Variants in DCBLD2 observed in about 807,000 individuals in gnomAD.
DCBLD2 encodes discoidin, CUB and LCCL domain containing 2.
In DCBLD2, 54 loss-of-function variants were observed where a neutral mutation model predicts 86.8. That is an observed-to-expected ratio of 0.62 (90% CI 0.50 to 0.78). The LOEUF (loss-of-function observed/expected upper bound fraction) is 0.78, where lower values mean the gene tolerates loss of function less well. DCBLD2 is among the 30% of genes least tolerant of loss of function. The pLI is 0.00. For synonymous variants in DCBLD2, 354 were observed against 341.3 expected (o/e 1.04, Z -0.41); for missense variants, 908 against 954.2 (o/e 0.95, Z 0.64).
intron 1 of DCBLD2, among the ~76,000 whole-genome samples, chr3:98,882,537 C>G (rs1229617256): frequency 1.3e-5 from 2 of 152,112 alleles, no homozygotes; most frequent in Non-Finnish European, 2.9e-5. Flanking sequence ...CCATCATCTA[C>G]ATTAGGTATT....
chr3:98,834,050 G>A (rs1333662528), intron 3 of DCBLD2, among the ~76,000 whole-genome samples: 2 of 152,010 alleles, frequency 1.3e-5, no homozygotes, highest in Non-Finnish European at 2.9e-5. Context: ...CCACTTCCCT[G>A]GGTGGGGGAG....
chr3:98,825,751 C>T (rs961351963), intron 3 of DCBLD2, among the ~76,000 whole-genome samples: 1 of 149,512 alleles, frequency 6.7e-6, no homozygotes. Flanking sequence ...TACCCACACA[C>T]AGAAATATTT....
At chr3:98,877,105 C>T (rs1278431471) in intron 2 of DCBLD2, among the ~76,000 whole-genome samples, 1 of 152,042 alleles carries the variant, frequency 6.6e-6, no homozygotes, top group Non-Finnish European at 1.5e-5. Flanking sequence ...CACTTATCTA[C>T]CTTTTTGTAC....
chr3:98,869,708 G>A (rs1306747887), intron 2 of DCBLD2, among the ~76,000 whole-genome samples: 1 of 152,136 alleles, frequency 6.6e-6, no homozygotes, highest in Non-Finnish European at 1.5e-5. Context: ...AACTGTTCTT[G>A]GAGTTATTTC....
chr3:98,865,552 G>A (rs1302343138), intron 2 of DCBLD2, among the ~76,000 whole-genome samples: 1 of 152,126 alleles, frequency 6.6e-6, no homozygotes, highest in Non-Finnish European at 1.5e-5. Context: ...GTATAACAGT[G>A]TATTGTATAG....
intron 3 of DCBLD2, among the ~76,000 whole-genome samples, chr3:98,839,204 C>CTTCCTTCTTTCT (rs1576174695): frequency 1.5e-5 from 2 of 131,372 alleles, no homozygotes; most frequent in African/African-American, 6.5e-5. Context: ...TCCTTCCTTC[C>CTTCCTTCTTTCT]TTCTTTCTTT....
rs1401408187 is a variant in DCBLD2 at position 98,839,208 on chromosome 3, T to TTCC, written c.571+10252_571+10253insGGA. ...CCTTCCTTCCTTCCTTCCTTCCTTC[T>TTCC]TTCTTTCCTTCTTTCCTTCTCTCTC... On this transcript the variant is annotated intron_variant, in intron 3 of 15. Coordinates refer to ENST00000326840, the MANE Select transcript of DCBLD2 (RefSeq NM_080927.4). Among the ~76,000 whole-genome samples, 731 of 107,620 alleles carry TTCC rather than the reference T, an allele frequency of 6.8e-3. 4 individuals are homozygous for TTCC. Among genetic ancestry groups the TTCC allele is most frequent in the African/African-American group, 0.016 (552 of 33,492 alleles). The allele number at this position is 107,620 out of a possible 152,430, so 70.6% of individuals were successfully genotyped here. A position where few individuals can be genotyped will look rare whatever the true frequency, so the allele number is the denominator to read the frequency against.
chr3:98,865,704 CT>C (rs908569479), intron 2 of DCBLD2, among the ~76,000 whole-genome samples: 1 of 134,992 alleles, frequency 7.4e-6, no homozygotes, highest in African/African-American at 2.7e-5. Context: ...ATACAATTTT[CT>C]TTTTTTATAT....
intron 6 of DCBLD2, among the ~76,000 whole-genome samples, chr3:98,821,699 C>T (rs560932105): frequency 1.3e-5 from 2 of 152,114 alleles, no homozygotes; most frequent in Non-Finnish European, 1.5e-5. Flanking sequence ...CAAATGACTA[C>T]ATTTTTGAAG....
intron 10 of DCBLD2, among the ~76,000 whole-genome samples, chr3:98,812,073 T>C (rs181944945): frequency 1.7e-3 from 265 of 152,334 alleles, no homozygotes; most frequent in Admixed American, 6.5e-3. Context: ...AGGATTGAGA[T>C]TAAATTTGGA....
intron 3 of DCBLD2, among the ~76,000 whole-genome samples, chr3:98,833,920 G>T (rs34234373): frequency 0.43 from 65,861 of 152,020 alleles, 14,441 homozygotes; most frequent in African/African-American, 0.46. Flanking sequence ...TGGAGGACTT[G>T]CCCAGTGAGG....
At position 98,817,977 on chromosome 3, in the gene DCBLD2, T is replaced by C. The variant is rs1942054711; in HGVS notation, c.1088-84A>G. 2.0e-6 allele frequency: 3 copies of C among 1,503,828 alleles called. No individual in the cohort carries two copies. In the East Asian group the frequency reaches 7.1e-5, roughly 36 times the overall value. The allele number at this position is 1,503,828 out of a possible 1,614,324, so 93.2% of individuals were successfully genotyped here. ...AGCATCAAAGTATAAACACTTGAAA[T>C]GCACAGCTCGAACATTTCTAATTAT... On this transcript the variant is annotated intron_variant, in intron 8 of 15. Coordinates refer to ENST00000326840, the MANE Select transcript of DCBLD2 (RefSeq NM_080927.4).
At chr3:98,809,966 C>A (rs1231040240) in intron 12 of DCBLD2, among the ~76,000 whole-genome samples, 1 of 152,124 alleles carries the variant, frequency 6.6e-6, no homozygotes, top group Non-Finnish European at 1.5e-5. Flanking sequence ...TAATCAGAGG[C>A]TTTAAAACAT....
intron 2 of DCBLD2, among the ~76,000 whole-genome samples, chr3:98,857,247 C>T (rs558202167): frequency 1.1e-3 from 173 of 152,190 alleles, no homozygotes; most frequent in African/African-American, 2.6e-3. Context: ...CAGACCTTTG[C>T]GGTGAGTGTT....
At chr3:98,836,736 A>C (rs1576171535) in intron 3 of DCBLD2, among the ~76,000 whole-genome samples, 1 of 16,674 alleles carries the variant, frequency 6.0e-5, no homozygotes, top group African/African-American at 9.5e-5. Context: ...TGACCCCCCC[A>C]TCTCCCTCCC....
intron 1 of DCBLD2, among the ~76,000 whole-genome samples, chr3:98,891,512 C>T (rs549376716): frequency 3.9e-5 from 6 of 152,196 alleles, no homozygotes; most frequent in African/African-American, 7.2e-5. Context: ...CCACTGTCCA[C>T]ACTTCAGCCA....
At chr3:98,856,731 A>C (rs530604565) in intron 2 of DCBLD2, among the ~76,000 whole-genome samples, 1 of 152,306 alleles carries the variant, frequency 6.6e-6, no homozygotes, top group South Asian at 2.1e-4. Flanking sequence ...TGACCTCAGG[A>C]AAGAAATATA....
At chr3:98,806,355 T>G (rs1941838873) in intron 13 of DCBLD2, among the ~76,000 whole-genome samples, 1 of 152,242 alleles carries the variant, frequency 6.6e-6, no homozygotes, top group Non-Finnish European at 1.5e-5. Flanking sequence ...CAATTTTCTA[T>G]AAAAATTAGC....
intron 2 of DCBLD2, among the ~76,000 whole-genome samples, chr3:98,870,737 A>AAGAAAGAAAGAAAGAAAAGAAAG (rs60463776): frequency 1.4e-4 from 10 of 69,814 alleles, no homozygotes; most frequent in African/African-American, 5.7e-4. Context: ...AAAAGAAAGA[A>AAGAAAGAAAGAAAGAAAAGAAAG]AAAGAAAGAA....
Sources: allele counts gnomAD v4.1 joint callset (sites outside exome capture counted in the v4.1 genomes callset), GRCh38; gene constraint gnomAD v4.1.1; transcripts MANE v1.5; gene names NCBI Gene and HGNC (gene_info 2026-07-23, HGNC 2026-07-21).